The following ADH5 variants were observed in gnomAD, a reference collection of about 807,000 sequenced individuals.
ADH5 encodes the protein alcohol dehydrogenase 5 (class III), chi polypeptide.
A neutral mutation model predicts 40.3 loss-of-function variants in ADH5; 32 were observed. The observed-to-expected ratio is 0.79, with a 90% CI of 0.60 to 1.07. The LOEUF is 1.07. Among genes scored for constraint, ADH5 ranks in the 50% least tolerant of loss-of-function variants. The pLI is 0.00. For synonymous variants in ADH5, 125 were observed against 154.3 expected (o/e 0.81, Z 1.41); for missense variants, 353 against 460.5 (o/e 0.77, Z 2.14).
intron 1 of ADH5, chr4:99,085,573 C>A: frequency 2.8e-6 from 1 of 352,140 alleles, no homozygotes; most frequent in Non-Finnish European, 5.6e-6. Flanking sequence ...GCATGCTTAA[C>A]ATATGCCTGA....
In ADH5 at chr4:99,081,398, A is replaced by C; in HGVS notation, c.311T>G (p.Leu104Arg). 6.2e-7 allele frequency: 1 copy of C among 1,608,180 alleles called. No homozygotes were observed. Among genetic ancestry groups the C allele is most frequent in the Non-Finnish European group, 8.5e-7 (1 of 1,177,096 alleles). Residue 104 changes from leucine to arginine, a missense_variant, in exon 4 of 9, where the codon CTA becomes CGA. Coordinates refer to ENST00000296412, the MANE Select transcript of ADH5 (RefSeq NM_000671.4). ...CTGGCAAAGGTTAGTTTTAGGATTT[A>C]GACAAAATTTGCATTCTCCACACTG... Reference protein sequence around the residue: ...IPQCGECKFCLNPKTNLCQKI... With the variant: ...IPQCGECKFCRNPKTNLCQKI...
intron 4 of ADH5, among the ~76,000 whole-genome samples, chr4:99,080,876 T>C (rs1237302876): frequency 1.3e-5 from 2 of 152,208 alleles, no homozygotes; most frequent in Non-Finnish European, 2.9e-5. Flanking sequence ...TTAAAGAATG[T>C]GTAAGCAAAA....
At chr4:99,080,826 C>G in intron 4 of ADH5, 1 of 160,714 alleles carries the variant, frequency 6.2e-6, no homozygotes, top group Non-Finnish European at 1.3e-5. Flanking sequence ...TTATTCTTAT[C>G]ATTGTTAATA....
chr4:99,082,334 T>C (rs748119134), intron 2 of ADH5, among the ~76,000 whole-genome samples: 5 of 152,188 alleles, frequency 3.3e-5, no homozygotes, highest in Non-Finnish European at 7.3e-5. Context: ...ATAAAAGCAA[T>C]GGTGCATTTA....
intron 6 of ADH5, chr4:99,076,053 T>G (rs764432742): frequency 2.9e-5 from 14 of 480,878 alleles, no homozygotes; most frequent in Non-Finnish European, 4.9e-5. Context: ...GTCTTTTCAT[T>G]TCATGAGACA....
intron 4 of ADH5, 99 bp from the exon 5 acceptor site, chr4:99,077,022 A>G (rs1319911288): frequency 8.1e-6 from 7 of 864,392 alleles, no homozygotes; most frequent in Non-Finnish European, 1.2e-5. Context: ...AAATATTAAG[A>G]AAGTGTTGTA....
Position 99,076,436 on chromosome 4 carries a change from A to G in ADH5, c.681T>C (p.Asp227=). 1.2e-6 allele frequency: 2 copies of G among 1,614,192 alleles called. No homozygotes were observed. The highest frequency in any genetic ancestry group is 1.3e-5 in the African/African-American group (1 of 75,048). Residue 227 remains aspartate (D), a synonymous_variant, in exon 6 of 9, where the codon GAT becomes GAC. Transcript: ENST00000296412. The stretch of plus-strand genomic sequence containing the variant: ...CAAACTCTTTGGCCCTTGCAAATTT[A>G]TCTTTATTGATGTCCACACCAATGA... ...SRIIGVDINK[D]KFARAKEFGA...
In ADH5 at chr4:99,076,449, T is replaced by C; in HGVS notation, c.668A>G (p.Asp223Gly). The C allele has an allele frequency of 6.2e-7, 1 of 1,614,124 alleles. No individual in the cohort carries two copies. Among genetic ancestry groups the C allele is most frequent in the Middle Eastern group, 1.6e-4 (1 of 6,062 alleles). Residue 223 changes from aspartate (D) to glycine (G), a missense_variant, in exon 6 of 9, where the codon GAC becomes GGC. By Grantham distance (94) the Asp-to-Gly change is moderately conservative. Coordinates refer to ENST00000296412, the MANE Select transcript of ADH5 (RefSeq NM_000671.4). ...VAGASRIIGV[D>G]INKDKFARAK... Reference sequence around the variant, plus strand: ...CCTTGCAAATTTATCTTTATTGATGTCCACACCAATGATCCGGGAAGCACC... The same window carrying C: ...CCTTGCAAATTTATCTTTATTGATGCCCACACCAATGATCCGGGAAGCACC...
intron 1 of ADH5, among the ~76,000 whole-genome samples, chr4:99,086,691 T>G (rs1159571236): frequency 1.3e-5 from 2 of 151,966 alleles, no homozygotes; most frequent in Non-Finnish European, 2.9e-5. Flanking sequence ...AAGCCTGTAA[T>G]CCCAGCACTT....
chr4:99,088,487 G>T (rs1352779691), intron 1 of ADH5, among the ~76,000 whole-genome samples: 1 of 124,854 alleles, frequency 8.0e-6, no homozygotes, highest in East Asian at 2.8e-4. Context: ...AGCAAAGAAA[G>T]CTGCTTCCCA....
Position 99,072,633 on chromosome 4 carries a change from G to A in ADH5, c.1040C>T (p.Thr347Ile). 1 of 1,613,682 alleles carries A rather than the reference G, an allele frequency of 6.2e-7. No individual in the cohort carries two copies. Among genetic ancestry groups the A allele is most frequent in the Non-Finnish European group, 8.5e-7 (1 of 1,179,744 alleles). The change falls in exon 8 of 9, where the codon ACT (threonine) becomes ATT (isoleucine). Residue 347 changes from threonine to isoleucine, a missense_variant. By Grantham distance (89) the Thr-to-Ile change is moderately conservative. Coordinates refer to ENST00000296412, the MANE Select transcript of ADH5 (RefSeq NM_000671.4). Reference protein sequence around the residue: ...SKKIKVDEFVTHNLSFDEINK... With the variant: ...SKKIKVDEFVIHNLSFDEINK... Reference sequence around the variant, plus strand: ...GATTTCATCAAAAGACAGATTGTGAGTCACAAATTCATCAACTTTTATCTT... The same window carrying A: ...GATTTCATCAAAAGACAGATTGTGAATCACAAATTCATCAACTTTTATCTT...
intron 2 of ADH5, among the ~76,000 whole-genome samples, chr4:99,082,501 A>C (rs947817229): frequency 1.3e-5 from 2 of 152,294 alleles, no homozygotes; most frequent in East Asian, 3.9e-4. Context: ...TAGTTTCCTC[A>C]TGACAGCTGG....
intron 3 of ADH5, chr4:99,081,678 G>GA: frequency 7.2e-6 from 4 of 558,486 alleles, no homozygotes; most frequent in Middle Eastern, 3.1e-4. Context: ...GAAGAACAAT[G>GA]AAGTTATATG....
chr4:99,088,123 T>C (rs1377764691), intron 1 of ADH5, among the ~76,000 whole-genome samples: 2 of 152,160 alleles, frequency 1.3e-5, no homozygotes, highest in Non-Finnish European at 2.9e-5. Flanking sequence ...CAGAGGTGTT[T>C]GTTACGTGAG....
At chr4:99,074,499 C>G (rs1727886454) in intron 7 of ADH5, among the ~76,000 whole-genome samples, 1 of 152,130 alleles carries the variant, frequency 6.6e-6, no homozygotes, top group African/African-American at 2.4e-5. Context: ...ATGATCACAT[C>G]CAGTGATCAC....
In ADH5 at chr4:99,079,406, A is replaced by G. The variant is rs1424802801; in HGVS notation, c.344+1959T>C. The stretch of plus-strand genomic sequence containing the variant: ...CTGACAAAAGAGCATGCACTGCATG[A>G]CTCTATTTATACAAGGTCACAGTGA... On this transcript the variant is annotated intron_variant, in intron 4 of 8. Coordinates refer to ENST00000296412, the MANE Select transcript of ADH5 (RefSeq NM_000671.4). Among the ~76,000 whole-genome samples the G allele has an allele frequency of 2.2e-5, 3 of 139,066 alleles. No homozygotes were observed. The Admixed American group carries it at 2.3e-4, about 11-fold the overall frequency. The allele number at this position is 139,066 out of a possible 152,430, so 91.2% of individuals were successfully genotyped here. A position where few individuals can be genotyped will look rare whatever the true frequency, so the allele number is the denominator to read the frequency against.
Position 99,076,748 on chromosome 4 carries a change from A to G in ADH5, c.520T>C (p.Cys174Arg). The G allele has an allele frequency of 6.2e-7, 1 of 1,614,080 alleles. No individual in the cohort carries two copies. Among genetic ancestry groups the G allele is most frequent in the Non-Finnish European group, 8.5e-7 (1 of 1,179,902 alleles). Residue 174 changes from cysteine to arginine, a missense_variant, in exon 5 of 9, where the codon TGT becomes CGT. Transcript: ENST00000296412. Reference protein sequence around the residue: ...APLDKVCLLGCGISTGYGAAV... With the variant: ...APLDKVCLLGRGISTGYGAAV... ...GCACCATAACCGGTTGAAATGCCAC[A>G]ACCTAGAAGGCAGACTTTATCCAAA...
At position 99,083,721 on chromosome 4, in the gene ADH5, G is replaced by C. The variant is rs546395712; in HGVS notation, c.114+1394C>G. 3.3e-5 allele frequency among the ~76,000 whole-genome samples: 5 copies of C among 152,002 alleles called. No individual in the cohort carries two copies. In the South Asian group the frequency reaches 8.3e-4, roughly 25 times the overall value. Reference sequence around the variant, plus strand: ...TATGTGTGGTGTGTTTTGAAAGTGAGATGGTAGGGGAAGTATACTCCAAGT... The same window carrying C: ...TATGTGTGGTGTGTTTTGAAAGTGACATGGTAGGGGAAGTATACTCCAAGT... On this transcript the variant is annotated intron_variant, in intron 2 of 8. Coordinates refer to ENST00000296412, the MANE Select transcript of ADH5 (RefSeq NM_000671.4).
Position 99,081,727 on chromosome 4 carries a change from C to A in ADH5, c.256+248G>T, listed in dbSNP as rs373469088. On this transcript the variant is annotated intron_variant, in intron 3 of 8. Transcript: ENST00000296412. ...CTTCATTGATGCATCTCTAAAAATT[C>A]TTGCTTAATATGCCAAAATTGGTTT... The A allele has an allele frequency of 5.4e-6, 3 of 558,326 alleles. No individual in the cohort carries two copies. In the African/African-American group the frequency reaches 5.6e-5, roughly 10 times the overall value. The allele number at this position is 558,326 out of a possible 1,614,324, so 34.6% of individuals were successfully genotyped here. A position where few individuals can be genotyped will look rare whatever the true frequency, so the allele number is the denominator to read the frequency against.
Sources: gnomAD v4.1 joint callset for allele counts (sites outside exome capture counted in the v4.1 genomes callset) on GRCh38, gnomAD v4.1.1 for gene constraint, MANE v1.5 for transcripts, NCBI Gene and HGNC (gene_info 2026-07-23, HGNC 2026-07-21) for gene names.